The following CTNNA2 variants were observed in gnomAD, a reference collection of about 807,000 sequenced individuals.
CTNNA2 encodes the protein catenin alpha 2, also known as catenin alpha-2.
CTNNA2 carries 42 observed loss-of-function variants against 101.0 expected under a neutral mutation model. That is an observed-to-expected ratio of 0.42 (90% CI 0.32 to 0.54). The LOEUF (loss-of-function observed/expected upper bound fraction) is 0.54. Ranked by LOEUF, CTNNA2 falls within the 20% of genes least tolerant of loss-of-function variation. The probability of loss-of-function intolerance (pLI) is 0.14; values close to 1 mark genes in which losing one functional copy is unlikely to be tolerated. For missense variants in CTNNA2, 871 were observed against 1,223.1 expected (o/e 0.71, Z 4.29); for synonymous variants, 450 against 456.4 (o/e 0.99, Z 0.18).
intron 3 of CTNNA2, among the ~76,000 whole-genome samples, chr2:79,762,219 A>G (rs1296198363): frequency 6.6e-6 from 1 of 152,056 alleles, no homozygotes; most frequent in Non-Finnish European, 1.5e-5. Context: ...GACTGAATCC[A>G]CTGCCCAATG....
At chr2:79,737,908 G>A (rs964640936) in intron 2 of CTNNA2, among the ~76,000 whole-genome samples, 1 of 152,126 alleles carries the variant, frequency 6.6e-6, no homozygotes, top group African/African-American at 2.4e-5. Flanking sequence ...CTATTATTTT[G>A]GAGAAAGAAG....
At chr2:79,607,237 C>A (rs1054810972) in intron 1 of CTNNA2, among the ~76,000 whole-genome samples, 1 of 152,102 alleles carries the variant, frequency 6.6e-6, no homozygotes, top group Non-Finnish European at 1.5e-5. Context: ...ATATGCACCT[C>A]ATAAAAAAGC....
intron 11 of CTNNA2, 125 bp downstream of exon 11, chr2:80,546,188 T>C (rs1341940345): frequency 1.7e-5 from 19 of 1,143,676 alleles, no homozygotes; most frequent in Non-Finnish European, 2.2e-5. Context: ...TGAGCTTTTT[T>C]GATCATCTCT....
intron 7 of CTNNA2, among the ~76,000 whole-genome samples, chr2:80,045,873 T>C (rs905515051): frequency 1.3e-5 from 2 of 152,124 alleles, no homozygotes; most frequent in Non-Finnish European, 2.9e-5. Context: ...TGGCATATTT[T>C]TTCAGTTTAA....
chr2:80,281,791 A>G (rs1244057438), intron 7 of CTNNA2, among the ~76,000 whole-genome samples: 1 of 152,122 alleles, frequency 6.6e-6, no homozygotes, highest in Non-Finnish European at 1.5e-5. Context: ...TGAATACAAA[A>G]TTATTATTGA....
chr2:80,384,622 G>A (rs1298579635), intron 7 of CTNNA2, among the ~76,000 whole-genome samples: 4 of 151,550 alleles, frequency 2.6e-5, no homozygotes, highest in Admixed American at 2.6e-4. Flanking sequence ...CATGGAAAGA[G>A]AGATTTGAGG....
chr2:79,842,706 GT>G (rs148057763), intron 3 of CTNNA2, among the ~76,000 whole-genome samples: 26 of 149,206 alleles, frequency 1.7e-4, no homozygotes, highest in East Asian at 1.6e-3. Flanking sequence ...TTGGGTGTGT[GT>G]TTTTTTTTTT....
intron 12 of CTNNA2, among the ~76,000 whole-genome samples, chr2:80,566,306 A>G (rs947073191): frequency 2.0e-5 from 3 of 152,068 alleles, no homozygotes; most frequent in East Asian, 1.9e-4. Flanking sequence ...TTTTTTTGCC[A>G]TATTCTGTTG....
At chr2:79,722,234 G>A (rs1686534337) in intron 2 of CTNNA2, among the ~76,000 whole-genome samples, 1 of 152,144 alleles carries the variant, frequency 6.6e-6, no homozygotes, top group African/African-American at 2.4e-5. Context: ...TAAGCAGGCA[G>A]AACATATTTA....
chr2:80,162,909 G>A, intron 7 of CTNNA2: 1 of 1,562,402 alleles, frequency 6.4e-7, no homozygotes, highest in Middle Eastern at 1.7e-4. Flanking sequence ...CCTGCTAGGA[G>A]TTGTGGAGGT....
chr2:80,192,578 G>C (rs1706577880), intron 7 of CTNNA2, among the ~76,000 whole-genome samples: 1 of 151,950 alleles, frequency 6.6e-6, no homozygotes, highest in Non-Finnish European at 1.5e-5. Flanking sequence ...CCAGGCTAGA[G>C]TGTAAGGGCA....
chr2:80,187,198 A>C (rs1706183375), intron 7 of CTNNA2, among the ~76,000 whole-genome samples: 1 of 152,320 alleles, frequency 6.6e-6, no homozygotes, highest in East Asian at 1.9e-4. Flanking sequence ...TAATAAAAAC[A>C]TGGGATCACT....
At chr2:79,709,478 G>T (rs1418705824) in intron 2 of CTNNA2, among the ~76,000 whole-genome samples, 3 of 152,162 alleles carry the variant, frequency 2.0e-5, no homozygotes, top group African/African-American at 7.2e-5. Flanking sequence ...TGAGAGGCAT[G>T]TCGGACAGGG....
chr2:80,008,746 G>A (rs1276318903), intron 7 of CTNNA2, among the ~76,000 whole-genome samples: 2 of 152,142 alleles, frequency 1.3e-5, no homozygotes, highest in African/African-American at 2.4e-5. Flanking sequence ...GAATGGAAAT[G>A]GCACTACCAC....
intron 7 of CTNNA2, among the ~76,000 whole-genome samples, chr2:80,066,626 A>G (rs1415704966): frequency 6.6e-6 from 1 of 152,228 alleles, no homozygotes; most frequent in African/African-American, 2.4e-5. Flanking sequence ...GAACCCTTTA[A>G]CACTGTTGGT....
chr2:80,022,312 G>T (rs180859400), intron 7 of CTNNA2, among the ~76,000 whole-genome samples: 5 of 152,306 alleles, frequency 3.3e-5, no homozygotes, highest in Admixed American at 1.3e-4. Flanking sequence ...TTTCCTCAGG[G>T]ATTTTATTGT....
At chr2:79,886,231 T>A (rs1683849120) in intron 6 of CTNNA2, among the ~76,000 whole-genome samples, 1 of 152,122 alleles carries the variant, frequency 6.6e-6, no homozygotes, top group Admixed American at 6.5e-5. Context: ...TAAGAAAGAA[T>A]AAACATGATG....
chr2:80,633,125 G>A lies in CTNNA2; in HGVS notation c.2574+13897G>A, dbSNP rs140283359. ...TTTCAGATGGTATAGATGATAACAG[G>A]TAATATGTATTAGGTTCTTATAAAT... On this transcript the variant is annotated intron_variant, in intron 18 of 18. Transcript: ENST00000402739. 2.0e-5 allele frequency among the ~76,000 whole-genome samples: 3 copies of A among 152,254 alleles called. No individual in the cohort carries two copies. In the East Asian group the frequency reaches 5.8e-4, roughly 29 times the overall value.
At chr2:79,477,256 T>C (rs1321937247) in intron 4 of CTNNA2, among the ~76,000 whole-genome samples, 1 of 151,400 alleles carries the variant, frequency 6.6e-6, no homozygotes, top group African/African-American at 2.4e-5. Flanking sequence ...CTGCAACTTC[T>C]GCCTCCAAGG....
Sources: gnomAD v4.1 joint callset for allele counts (sites outside exome capture counted in the v4.1 genomes callset) on GRCh38, gnomAD v4.1.1 for gene constraint, MANE v1.5 for transcripts, NCBI Gene and HGNC (gene_info 2026-07-23, HGNC 2026-07-21) for gene names.